GRID2: variants seen among roughly 807,000 people sequenced by gnomAD.
GRID2 encodes the protein glutamate receptor ionotropic, delta-2.
A neutral mutation model predicts 114.8 loss-of-function variants in GRID2; 33 were observed. The observed-to-expected ratio is 0.29, with a 90% CI of 0.22 to 0.38. The LOEUF (loss-of-function observed/expected upper bound fraction) is 0.38. Ranked by LOEUF, GRID2 falls within the 10% of genes least tolerant of loss-of-function variation. The probability of loss-of-function intolerance (pLI) is 1.00; values close to 1 mark genes in which losing one functional copy is unlikely to be tolerated. For missense variants in GRID2, 1,184 were observed against 1,257.7 expected (o/e 0.94, Z 0.89); for synonymous variants, 505 against 449.9 (o/e 1.12, Z -1.55).
At chr4:93,241,443 TAAC>T (rs1747501361) in intron 8 of GRID2, among the ~76,000 whole-genome samples, 1 of 151,736 alleles carries the variant, frequency 6.6e-6, no homozygotes, top group Admixed American at 6.6e-5. Flanking sequence ...TATTTATAAC[TAAC>T]TTAGATCAGA....
At chr4:93,170,273 G>T (rs2149420975) in intron 4 of GRID2, among the ~76,000 whole-genome samples, 1 of 152,090 alleles carries the variant, frequency 6.6e-6, no homozygotes, top group African/African-American at 2.4e-5. Flanking sequence ...TATTAGAGAT[G>T]GGGTTTCGCC....
intron 2 of GRID2, among the ~76,000 whole-genome samples, chr4:92,934,059 G>A (rs749790468): frequency 1.1e-4 from 17 of 151,706 alleles, no homozygotes; most frequent in Non-Finnish European, 2.5e-4. Flanking sequence ...AGAATGAGTA[G>A]ATTGTAATTT....
chr4:92,634,747 C>CTT (rs3077529), intron 2 of GRID2, among the ~76,000 whole-genome samples: 5,710 of 121,156 alleles, frequency 0.047, 168 homozygotes, highest in Non-Finnish European at 0.056. Flanking sequence ...TTTTTTTTTT[C>CTT]TTTTTTTTTT....
chr4:93,259,180 A>G (rs1749962942), intron 8 of GRID2, among the ~76,000 whole-genome samples: 2 of 151,866 alleles, frequency 1.3e-5, no homozygotes, highest in African/African-American at 4.8e-5. Flanking sequence ...TGATAGGACA[A>G]GTACCTAGGA....
At chr4:93,616,401 G>T (rs1053652952) in intron 13 of GRID2, among the ~76,000 whole-genome samples, 1 of 151,312 alleles carries the variant, frequency 6.6e-6, no homozygotes, top group African/African-American at 2.4e-5. Flanking sequence ...ACAAAAATTA[G>T]ACCAGTGTGA....
chr4:92,348,083 A>G (rs1727869283), intron 1 of GRID2, among the ~76,000 whole-genome samples: 1 of 152,102 alleles, frequency 6.6e-6, no homozygotes, highest in African/African-American at 2.4e-5. Context: ...AGCCTCCCAA[A>G]TAGCTGGGAC....
At chr4:93,268,369 C>T (rs1297666506) in intron 8 of GRID2, among the ~76,000 whole-genome samples, 2 of 152,078 alleles carry the variant, frequency 1.3e-5, no homozygotes, top group Admixed American at 1.3e-4. Context: ...GATCGGAAAC[C>T]CACCTCATGA....
intron 2 of GRID2, among the ~76,000 whole-genome samples, chr4:92,962,048 A>G (rs1446659515): frequency 6.6e-6 from 1 of 151,878 alleles, no homozygotes; most frequent in African/African-American, 2.4e-5. Flanking sequence ...CTCTCTGCCT[A>G]CATTGCCCAT....
rs1010389651 is a variant in GRID2 at position 93,591,790 on chromosome 4, T to C, written c.2194-34479T>C. Among the ~76,000 whole-genome samples, 174 of 152,184 alleles carry C rather than the reference T, an allele frequency of 1.1e-3. 1 individual carries two copies. Among genetic ancestry groups the C allele is most frequent in the African/African-American group, 4.0e-3 (168 of 41,500 alleles). ...TCTTCCTGGCTTAGTCTTGGGAGAG[T>C]GTATGTGTCGAGGAATTTATCCATT... On this transcript the variant is annotated intron_variant, in intron 13 of 15. Coordinates refer to ENST00000282020, the MANE Select transcript of GRID2 (RefSeq NM_001510.4).
At chr4:93,075,503 G>T (rs1225276660) in intron 2 of GRID2, among the ~76,000 whole-genome samples, 1 of 152,054 alleles carries the variant, frequency 6.6e-6, no homozygotes, top group African/African-American at 2.4e-5. Flanking sequence ...GAAATAAAAG[G>T]CATACAGATT....
intron 2 of GRID2, among the ~76,000 whole-genome samples, chr4:92,908,380 A>T (rs1029309559): frequency 5.3e-5 from 8 of 152,128 alleles, no homozygotes; most frequent in African/African-American, 1.7e-4. Flanking sequence ...TAGAAGTAAA[A>T]ATTAGAGTTC....
At chr4:92,410,519 A>T (rs1731248710) in intron 1 of GRID2, among the ~76,000 whole-genome samples, 1 of 152,192 alleles carries the variant, frequency 6.6e-6, no homozygotes, top group African/African-American at 2.4e-5. Flanking sequence ...TTTGGACAGG[A>T]TCTCTGGCTT....
chr4:92,621,173 T>A (rs1730256081), intron 2 of GRID2, among the ~76,000 whole-genome samples: 2 of 151,648 alleles, frequency 1.3e-5, no homozygotes, highest in Admixed American at 1.3e-4. Flanking sequence ...AAACCCAGCA[T>A]CCATTAGCTA....
At chr4:93,107,941 C>A (rs997104754) in intron 3 of GRID2, among the ~76,000 whole-genome samples, 3 of 150,680 alleles carry the variant, frequency 2.0e-5, no homozygotes, top group Non-Finnish European at 4.4e-5. Flanking sequence ...ATTAAAACCT[C>A]TTCCTGTGTC....
At chr4:92,568,419 T>C (rs1727444724) in intron 1 of GRID2, among the ~76,000 whole-genome samples, 1 of 151,992 alleles carries the variant, frequency 6.6e-6, no homozygotes, top group Non-Finnish European at 1.5e-5. Context: ...CCCCATGGTT[T>C]CTCTCAAGTT....
At chr4:93,418,446 C>T (rs1185045114) in intron 9 of GRID2, among the ~76,000 whole-genome samples, 2 of 152,018 alleles carry the variant, frequency 1.3e-5, no homozygotes, top group African/African-American at 2.4e-5. Context: ...AACTGCGTAA[C>T]AACACTCCTT....
At chr4:93,806,411 T>C (rs1735034584) in intron 1 of GRID2, among the ~76,000 whole-genome samples, 1 of 152,198 alleles carries the variant, frequency 6.6e-6, no homozygotes, top group Non-Finnish European at 1.5e-5. Flanking sequence ...TTGAAGTCCT[T>C]ATCCACTCTA....
intron 1 of GRID2, among the ~76,000 whole-genome samples, chr4:92,511,049 A>G (rs1371631497): frequency 6.6e-6 from 1 of 151,804 alleles, no homozygotes; most frequent in African/African-American, 2.4e-5. Flanking sequence ...TCCTTCCTGT[A>G]TTGCTATAAA....
intron 2 of GRID2, among the ~76,000 whole-genome samples, chr4:92,766,645 G>T (rs1315769733): frequency 6.6e-6 from 1 of 151,666 alleles, no homozygotes; most frequent in Non-Finnish European, 1.5e-5. Flanking sequence ...ACTGTCTAAA[G>T]GTCATATACA....
Sources: allele counts gnomAD v4.1 joint callset (sites outside exome capture counted in the v4.1 genomes callset), GRCh38; gene constraint gnomAD v4.1.1; transcripts MANE v1.5; gene names NCBI Gene and HGNC (gene_info 2026-07-23, HGNC 2026-07-21).